Variants in CSMD2 observed in about 807,000 individuals in gnomAD.
CSMD2 encodes the protein CUB and Sushi multiple domains 2.
Under a neutral mutation model 398.5 loss-of-function variants are expected in CSMD2, and 130 were observed. The ratio of observed to expected loss-of-function variants is 0.33; its 90% CI spans 0.28 to 0.38. CSMD2 has a LOEUF of 0.38. CSMD2 is among the 10% of genes least tolerant of loss of function. CSMD2 has a pLI of 1.00. For synonymous variants in CSMD2, 1,828 were observed against 1,908.5 expected, an observed-to-expected ratio of 0.96 and a Z score of 1.10; for missense variants, 3,829 against 4,764.9, an observed-to-expected ratio of 0.80 and a Z score of 5.78.
rs148658404 is a variant in CSMD2 at position 33,533,855 on chromosome 1, G to A, written c.9932C>T (p.Ser3311Phe). Residue 3311 changes from serine to phenylalanine, a missense_variant, in exon 63 of 71, where the codon TCC becomes TTC. Coordinates refer to ENST00000373381, the MANE Select transcript of CSMD2 (RefSeq NM_001281956.2). This position sits in a 1 kb window ranked among gnomAD's most constrained non-coding sequence, Gnocchi z 4.2. ...RCQKGYLLQGSTTRTCLPNLT... is the reference protein window; with the variant it reads ...RCQKGYLLQGFTTRTCLPNLT... ...GTTTGGGAGGCAGGTCCTGGTGGTG[G>A]AGCCCTGAAGCAGGTAGCCTTTTTG... 689 of 1,614,102 alleles carry A rather than the reference G, an allele frequency of 4.3e-4. 3 individuals are homozygous for A. In the East Asian group the frequency reaches 0.013, roughly 29 times the overall value.
chr1:33,677,724 A>G (rs1314147422), intron 25 of CSMD2, among the ~76,000 whole-genome samples: 5 of 152,012 alleles, frequency 3.3e-5, no homozygotes, highest in Non-Finnish European at 7.4e-5. Context: ...TCCAACAATG[A>G]TAGACTGGAT....
intron 3 of CSMD2, among the ~76,000 whole-genome samples, chr1:33,990,438 C>G (rs1478836463): frequency 6.6e-6 from 1 of 152,118 alleles, no homozygotes; most frequent in Non-Finnish European, 1.5e-5. Context: ...AATGAGGATT[C>G]ACCCCATTTA....
intron 4 of CSMD2, among the ~76,000 whole-genome samples, chr1:33,925,316 T>C (rs1644089205): frequency 6.6e-6 from 1 of 152,200 alleles, no homozygotes; most frequent in Admixed American, 6.5e-5. Flanking sequence ...CTTCCCCTAA[T>C]GCATGTTCTT....
intron 1 of CSMD2, among the ~76,000 whole-genome samples, chr1:34,095,554 G>A (rs1371994477): frequency 3.3e-5 from 5 of 152,046 alleles, no homozygotes; most frequent in Admixed American, 6.5e-5. Context: ...TCAAATAGAC[G>A]CAATAAAAAA....
At chr1:34,065,220 T>G (rs1272571306) in intron 2 of CSMD2, among the ~76,000 whole-genome samples, 2 of 152,134 alleles carry the variant, frequency 1.3e-5, no homozygotes, top group Non-Finnish European at 2.9e-5. Flanking sequence ...TGAAACAGAC[T>G]TCTTCTTCTC....
chr1:34,144,481 C>T (rs1480190852), intron 1 of CSMD2, among the ~76,000 whole-genome samples: 1 of 152,200 alleles, frequency 6.6e-6, no homozygotes, highest in Non-Finnish European at 1.5e-5. Flanking sequence ...ACCCACCTTG[C>T]ACCCCCTTAA....
chr1:33,836,067 G>C (rs1338368043), intron 6 of CSMD2, among the ~76,000 whole-genome samples: 1 of 152,222 alleles, frequency 6.6e-6, no homozygotes, highest in Non-Finnish European at 1.5e-5. Context: ...CTGTTTGTTA[G>C]TTTTCCTTCT....
chr1:33,590,981 C>CT (rs11374822), intron 44 of CSMD2, among the ~76,000 whole-genome samples: 16,491 of 67,480 alleles, frequency 0.24, 2,322 homozygotes, highest in East Asian at 0.44. Flanking sequence ...TTTTATTTAT[C>CT]TTTTTTTTTT....
intron 6 of CSMD2, among the ~76,000 whole-genome samples, chr1:33,836,134 AC>A: frequency 6.6e-6 from 1 of 152,170 alleles, no homozygotes; most frequent in Non-Finnish European, 1.5e-5. Context: ...TCCACTCCAG[AC>A]CCTGTTTGCC....
At chr1:34,007,597 AT>A (rs1426538174) in intron 3 of CSMD2, among the ~76,000 whole-genome samples, 1 of 152,214 alleles carries the variant, frequency 6.6e-6, no homozygotes, top group Non-Finnish European at 1.5e-5. Flanking sequence ...GCCCTTATAG[AT>A]TTATTCTAAG....
chr1:33,845,772 C>T (rs991838544), intron 6 of CSMD2, among the ~76,000 whole-genome samples: 40 of 152,332 alleles, frequency 2.6e-4, no homozygotes, highest in Middle Eastern at 3.4e-3. Context: ...CTAAAAGGTT[C>T]AGATTTTGAA....
intron 37 of CSMD2, among the ~76,000 whole-genome samples, chr1:33,620,479 T>C (rs1641697071): frequency 2.0e-5 from 3 of 152,170 alleles, no homozygotes; most frequent in Non-Finnish European, 2.9e-5. Flanking sequence ...GCCAGTCCCC[T>C]TGGACGAAGA....
At chr1:33,789,723 C>G (rs76195960) in intron 11 of CSMD2, among the ~76,000 whole-genome samples, 3,443 of 152,252 alleles carry the variant, frequency 0.023, 118 homozygotes, top group African/African-American at 0.078. Context: ...AAGTGGAGCT[C>G]GGATAGAGCA....
intron 56 of CSMD2, among the ~76,000 whole-genome samples, chr1:33,547,840 T>C (rs937829019): frequency 6.6e-6 from 1 of 152,226 alleles, no homozygotes; most frequent in Admixed American, 6.5e-5. Flanking sequence ...CAGCTGGAGC[T>C]AGCACTATTG....
At chr1:33,570,064 C>T (rs1030785667) in intron 51 of CSMD2, among the ~76,000 whole-genome samples, 2 of 152,120 alleles carry the variant, frequency 1.3e-5, no homozygotes, top group East Asian at 3.9e-4. Context: ...AGTGAGGCTG[C>T]CAAACGCTTG....
chr1:33,840,728 G>T (rs1005941834), intron 6 of CSMD2, among the ~76,000 whole-genome samples: 1 of 152,200 alleles, frequency 6.6e-6, no homozygotes, highest in Non-Finnish European at 1.5e-5. Context: ...GCTCACTCTG[G>T]ACTGAACTCA....
intron 2 of CSMD2, among the ~76,000 whole-genome samples, chr1:34,064,816 G>A (rs1275618775): frequency 6.6e-6 from 1 of 152,158 alleles, no homozygotes; most frequent in Non-Finnish European, 1.5e-5. Flanking sequence ...GGTTTAATTG[G>A]ACTTACAGTT....
At chr1:34,110,605 G>T (rs1430718424) in intron 1 of CSMD2, among the ~76,000 whole-genome samples, 2 of 151,976 alleles carry the variant, frequency 1.3e-5, no homozygotes, top group African/African-American at 2.4e-5. Context: ...ATTATCCTTA[G>T]CAAACCAACA....
intron 3 of CSMD2, among the ~76,000 whole-genome samples, chr1:33,946,836 T>G (rs1021083638): frequency 6.6e-6 from 1 of 151,402 alleles, no homozygotes; most frequent in Non-Finnish European, 1.5e-5. Context: ...GTTTTTACCG[T>G]GTTAGCTAGG....
Sources: gnomAD v4.1 joint callset for allele counts (sites outside exome capture counted in the v4.1 genomes callset) on GRCh38, gnomAD v4.1.1 for gene constraint, Gnocchi (gnomAD v3.1) non-coding constraint, MANE v1.5 for transcripts, NCBI Gene and HGNC (gene_info 2026-07-23, HGNC 2026-07-21) for gene names.